Variants in SOCS5 observed in about 807,000 individuals in gnomAD.
The protein encoded by SOCS5 is suppressor of cytokine signaling 5.
Under a neutral mutation model 42.8 loss-of-function variants are expected in SOCS5, and 32 were observed. That is an observed-to-expected ratio of 0.75 (90% CI 0.56 to 1.01). The LOEUF (loss-of-function observed/expected upper bound fraction) is 1.01. Ranked by LOEUF, SOCS5 falls within the 50% of genes least tolerant of loss-of-function variation. SOCS5 has a pLI of 0.00. For synonymous variants in SOCS5, 283 were observed against 229.6 expected (o/e 1.23, Z -2.10); for missense variants, 627 against 653.0 (o/e 0.96, Z 0.43).
intron 1 of SOCS5, among the ~76,000 whole-genome samples, chr2:46,720,759 G>A (rs907398522): frequency 6.6e-6 from 1 of 152,096 alleles, no homozygotes; most frequent in African/African-American, 2.4e-5. Context: ...TGCATCATAG[G>A]GGGTCCCTGG....
At chr2:46,744,596 T>C (rs1673457623) in intron 1 of SOCS5, among the ~76,000 whole-genome samples, 1 of 151,662 alleles carries the variant, frequency 6.6e-6, no homozygotes, top group Non-Finnish European at 1.5e-5. Flanking sequence ...GGCACTATCT[T>C]GGCTCACTGC....
chr2:46,737,791 T>G (rs185359861), intron 1 of SOCS5, among the ~76,000 whole-genome samples: 1 of 152,186 alleles, frequency 6.6e-6, no homozygotes, highest in African/African-American at 2.4e-5. Context: ...ATCAGTTACC[T>G]GAGCCAAGAT....
At chr2:46,724,664 G>A (rs6731970) in intron 1 of SOCS5, among the ~76,000 whole-genome samples, 10,044 of 151,904 alleles carry the variant, frequency 0.066, 373 homozygotes, top group Non-Finnish European at 0.079. Context: ...TAAATATCTA[G>A]ATTTTTGGAG....
chr2:46,740,915 A>T (rs1473637513), intron 1 of SOCS5, among the ~76,000 whole-genome samples: 1 of 152,140 alleles, frequency 6.6e-6, no homozygotes, highest in African/African-American at 2.4e-5. Flanking sequence ...ACACACCCAC[A>T]TTTGAGTATG....
intron 1 of SOCS5, among the ~76,000 whole-genome samples, chr2:46,745,724 A>G (rs1421441006): frequency 1.3e-5 from 2 of 152,176 alleles, no homozygotes; most frequent in Admixed American, 1.3e-4. Context: ...CCTCTTTAAC[A>G]TTTCCCATGA....
chr2:46,713,242 G>T (rs1027984413), intron 1 of SOCS5, among the ~76,000 whole-genome samples: 5 of 152,132 alleles, frequency 3.3e-5, no homozygotes, highest in African/African-American at 1.2e-4. Context: ...TGTAGTTTCA[G>T]CTACTCAGGA....
intron 1 of SOCS5, among the ~76,000 whole-genome samples, chr2:46,726,746 T>G (rs1476405550): frequency 6.7e-6 from 1 of 149,478 alleles, no homozygotes. Context: ...TAAATTATTA[T>G]TATTATTATT....
chr2:46,716,845 T>C (rs964077688), intron 1 of SOCS5, among the ~76,000 whole-genome samples: 2 of 152,206 alleles, frequency 1.3e-5, no homozygotes, highest in African/African-American at 4.8e-5. Context: ...TTTTTGTTTG[T>C]TTCCAGACAG....
rs41328744 is a variant in SOCS5 at position 46,700,868 on chromosome 2, T to C, written c.-13+1419T>C. On this transcript the variant is annotated intron_variant, in intron 1 of 1. Transcript: ENST00000394861. The stretch of plus-strand genomic sequence containing the variant: ...ATTTTCTTAATTTTATATATGTTAG[T>C]AATTTTTTACATTTGTAGCGTACTT... Among the ~76,000 whole-genome samples, 58 of 152,332 alleles carry C rather than the reference T, an allele frequency of 3.8e-4. 1 individual carries two copies. The highest frequency in any genetic ancestry group is 3.4e-3 in the Middle Eastern group (1 of 294).
rs1363479276 is a variant in SOCS5, at chr2:46,741,514, T to C, written c.-12-17005T>C. 3.9e-5 allele frequency among the ~76,000 whole-genome samples: 6 copies of C among 152,198 alleles called. 1 individual carries two copies. The highest frequency in any genetic ancestry group is 1.4e-4 in the African/African-American group (6 of 41,448). ...AATAACATTTTAAAAATATTGAATC[T>C]AATATTTTGGAAAGTACAACAAAGA... On this transcript the variant is annotated intron_variant, in intron 1 of 1. Coordinates refer to ENST00000394861, the MANE Select transcript of SOCS5 (RefSeq NM_144949.3).
At chr2:46,718,456 T>G (rs571092042) in intron 1 of SOCS5, among the ~76,000 whole-genome samples, 1 of 152,284 alleles carries the variant, frequency 6.6e-6, no homozygotes, top group African/African-American at 2.4e-5. Context: ...CAGAAGAAAT[T>G]TTTTAAAAAA....
intron 1 of SOCS5, among the ~76,000 whole-genome samples, chr2:46,709,992 G>A (rs1672580894): frequency 6.6e-6 from 1 of 152,068 alleles, no homozygotes; most frequent in African/African-American, 2.4e-5. Flanking sequence ...CACCCCCCAT[G>A]CTTGAATTCT....
At chr2:46,736,393 A>T (rs1286669032) in intron 1 of SOCS5, among the ~76,000 whole-genome samples, 2 of 152,088 alleles carry the variant, frequency 1.3e-5, no homozygotes, top group African/African-American at 4.8e-5. Flanking sequence ...GCACATTCAC[A>T]TTCTTGTGCA....
In SOCS5 at chr2:46,759,952, A is replaced by G. The variant is rs761600236; in HGVS notation, c.1422A>G (p.Ile474Met). 4.3e-6 allele frequency: 7 copies of G among 1,614,160 alleles called. No homozygotes were observed. The South Asian group carries it at 6.6e-5, about 15-fold the overall frequency. Residue 474 changes from isoleucine (I) to methionine (M), a missense_variant, in exon 2 of 2, where the codon ATA (isoleucine) becomes ATG (methionine). Around this residue, in one of 3 missense-constraint regions of SOCS5, gnomAD observed 340 missense variants for 367.6 expected, o/e 0.92. Coordinates refer to ENST00000394861, the MANE Select transcript of SOCS5 (RefSeq NM_144949.3). Reference sequence around the variant, plus strand: ...TGTTTTTTGAACCATTGCTTACTATATCACTAAATAGGACTTTCCCTTTTA... The same window carrying G: ...TGTTTTTTGAACCATTGCTTACTATGTCACTAAATAGGACTTTCCCTTTTA... ...SCMFFEPLLT[I>M]SLNRTFPFSL...
At chr2:46,736,363 G>A (rs563857978) in intron 1 of SOCS5, among the ~76,000 whole-genome samples, 1 of 152,194 alleles carries the variant, frequency 6.6e-6, no homozygotes, top group South Asian at 2.1e-4. Flanking sequence ...ATTTTTAAGT[G>A]TATAGTTCAG....
chr2:46,756,550 C>A (rs1673735287), intron 1 of SOCS5, among the ~76,000 whole-genome samples: 1 of 152,138 alleles, frequency 6.6e-6, no homozygotes. Context: ...ACAAATATAA[C>A]CTGAATCACA....
In SOCS5 at chr2:46,759,723, A is replaced by G. The variant is rs767416750; in HGVS notation, c.1193A>G (p.Lys398Arg). Residue 398 changes from lysine (K) to arginine (R), a missense_variant, in exon 2 of 2, where the codon AAA becomes AGA. Transcript: ENST00000394861. ...RYEAEALLEG[K>R]PEGTFLLRDS... ...GAAGCAGAAGCCCTTCTCGAAGGGA[A>G]ACCTGAAGGCACGTTTTTGCTCAGG... The G allele has an allele frequency of 1.2e-6, 2 of 1,614,038 alleles. No homozygotes were observed. Among genetic ancestry groups the G allele is most frequent in the Non-Finnish European group, 1.7e-6 (2 of 1,180,024 alleles).
chr2:46,713,336 A>C (rs1227482737), intron 1 of SOCS5, among the ~76,000 whole-genome samples: 2 of 152,232 alleles, frequency 1.3e-5, no homozygotes, highest in African/African-American at 4.8e-5. Context: ...AGGGTGGGTG[A>C]CAGAGTGAGT....
Position 46,759,277 on chromosome 2 carries a change from A to G in SOCS5, c.747A>G (p.Thr249=), listed in dbSNP as rs6738426. 571,833 of 1,613,608 alleles carry G rather than the reference A, an allele frequency of 0.35. 106,529 individuals are homozygous for G. Among genetic ancestry groups the G allele is most frequent in the Admixed American group, 0.42 (25,464 of 60,002 alleles). The change falls in exon 2 of 2, where the codon ACA becomes ACG. Residue 249 remains threonine, a synonymous_variant. Transcript: ENST00000394861. The stretch of plus-strand genomic sequence containing the variant: ...GCCCACATTCAACATTTTTTGATAC[A>G]TTTGATCCATCTTTGGTTTCTACAG... The part of the protein sequence containing the change: ...PVSPHSTFFD[T]FDPSLVSTED...
Sources: allele counts gnomAD v4.1 joint callset (sites outside exome capture counted in the v4.1 genomes callset), GRCh38; gene constraint gnomAD v4.1.1; regional missense constraint gnomAD v4.1.1; transcripts MANE v1.5; gene names NCBI Gene and HGNC (gene_info 2026-07-23, HGNC 2026-07-21).